MFGE8: variants seen among roughly 807,000 people sequenced by gnomAD.
The protein encoded by MFGE8 is lactadherin.
MFGE8 carries 34 observed loss-of-function variants against 42.6 expected under a neutral mutation model. The ratio of observed to expected loss-of-function variants is 0.80; its 90% confidence interval spans 0.61 to 1.06. MFGE8 has a LOEUF of 1.06. Ranked by LOEUF, MFGE8 falls within the 50% of genes least tolerant of loss-of-function variation. MFGE8 has a pLI of 0.00. For synonymous variants in MFGE8, 230 were observed against 214.8 expected (o/e 1.07, Z -0.62); for missense variants, 510 against 516.9 (o/e 0.99, Z 0.13).
At position 88,905,416 on chromosome 15, in the gene MFGE8, C is replaced by G. The variant is rs1898621915; in HGVS notation, c.685+341G>C. 14 of 504,074 alleles carry G rather than the reference C, an allele frequency of 2.8e-5. No homozygotes were observed. The highest frequency in any genetic ancestry group is 5.4e-5 in the Non-Finnish European group (14 of 259,884). 31.2% of individuals were successfully genotyped at this position (504,074 alleles called of 1,614,324 possible). ...GAAGCAAACAAAACAGACAGATTCT[C>G]TGCCCTCGTAAAGCTGACATCTGCC... On this transcript the variant is annotated intron_variant, in intron 5 of 7. Transcript: ENST00000268150. This position sits in a 1 kb window ranked among gnomAD's most constrained non-coding sequence, Gnocchi z 6.6.
chr15:88,908,537 T>C (rs767586351), intron 2 of MFGE8, among the ~76,000 whole-genome samples: 2 of 152,154 alleles, frequency 1.3e-5, no homozygotes, highest in Admixed American at 6.5e-5. Flanking sequence ...GAGGGCTTCC[T>C]CCGCTGTGTG....
Position 88,899,862 on chromosome 15 carries a change from G to C in MFGE8, c.871-51C>G. The C allele has an allele frequency of 6.2e-7, 1 of 1,607,612 alleles. No individual in the cohort carries two copies. Among genetic ancestry groups the C allele is most frequent in the Non-Finnish European group, 8.5e-7 (1 of 1,174,782 alleles). The stretch of plus-strand genomic sequence containing the variant: ...CTCTGCTTGGACCATCTCCAGTAAG[G>C]TGAAAAGAGGCAGACACACTGAGGC... On this transcript the variant is annotated intron_variant, in intron 6 of 7. Coordinates refer to ENST00000268150, the MANE Select transcript of MFGE8 (RefSeq NM_005928.4). This position sits in a 1 kb window ranked among gnomAD's most constrained non-coding sequence, Gnocchi z 6.8.
Position 88,903,776 on chromosome 15 carries a change from C to CTT in MFGE8, c.685+1980_685+1981insAA. ...AAGTGCTGGGATTACAGGCGTGAGC[C>CTT]ACCGCACCCGGCCTCAGTCTGCATT... is the stretch of plus-strand genomic sequence containing the variant. On this transcript the variant is annotated intron_variant, in intron 5 of 7. Coordinates refer to ENST00000268150, the MANE Select transcript of MFGE8 (RefSeq NM_005928.4). The surrounding 1 kb of genome is among the most constrained non-coding windows in gnomAD (Gnocchi z 4.9). The CTT allele has an allele frequency of 6.6e-6, 1 of 152,490 alleles. No individual in the cohort carries two copies. The highest frequency in any genetic ancestry group is 1.5e-5 in the Non-Finnish European group (1 of 68,158). The allele number at this position is 152,490 out of a possible 1,614,324, so 9.4% of individuals were successfully genotyped here.
In MFGE8 at chr15:88,901,618, C is replaced by T. The variant is rs778319396; in HGVS notation, c.803G>A (p.Arg268Gln). 5.0e-6 allele frequency: 8 copies of T among 1,613,930 alleles called. No homozygotes were observed. In the East Asian group the frequency reaches 6.7e-5, roughly 13 times the overall value. Residue 268 changes from arginine (R) to glutamine (Q), a missense_variant, in exon 6 of 8, where the codon CGG (arginine) becomes CAG (glutamine). Coordinates refer to ENST00000268150, the MANE Select transcript of MFGE8 (RefSeq NM_005928.4). ...GTTGAAGTTGCCCTGCTTGTCCAGC[C>T]GTGCATAGGAGGGGTTCCAGCTGAA... is the stretch of plus-strand genomic sequence containing the variant. ...HLFSWNPSYA[R>Q]LDKQGNFNAW...
chr15:88,908,084 G>A (rs963193720), intron 2 of MFGE8, among the ~76,000 whole-genome samples: 5 of 152,040 alleles, frequency 3.3e-5, no homozygotes, highest in Non-Finnish European at 5.9e-5. Context: ...GAACATGCCC[G>A]TGGCCAAGGC....
At position 88,899,104 on chromosome 15, in the gene MFGE8, C is replaced by CTTT. The variant is rs1898240077; in HGVS notation, c.*290_*291insAAA. The CTTT allele has an allele frequency of 2.0e-6, 1 of 500,124 alleles. No individual in the cohort carries two copies. The highest frequency in any genetic ancestry group is 1.9e-5 in the African/African-American group (1 of 51,692). The allele number at this position is 500,124 out of a possible 1,614,324, so 31.0% of individuals were successfully genotyped here. A position where few individuals can be genotyped will look rare whatever the true frequency, so the allele number is the denominator to read the frequency against. On this transcript the variant is annotated 3_prime_UTR_variant, in exon 8 of 8. Transcript: ENST00000268150. The surrounding 1 kb of genome is among the most constrained non-coding windows in gnomAD (Gnocchi z 6.8). ...TCCGGACAGGGGCAGGGAAACCACA[C>CTTT]GCCCTACTTTGCCCTTTCCTGTCCA...
intron 6 of MFGE8, 34 bp downstream of exon 6, chr15:88,901,517 A>ATAACAAAAAAGGGGGAC: frequency 9.3e-7 from 1 of 1,072,616 alleles, no homozygotes. Flanking sequence ...ATCCCACCCA[A>ATAACAAAAAAGGGGGAC]CCCCAGCCCC....
In MFGE8 at chr15:88,901,064, CAT is replaced by C. The variant is rs1567214153; in HGVS notation, c.870+485_870+486del. Among the ~76,000 whole-genome samples the C allele has an allele frequency of 2.1e-5, 3 of 140,352 alleles. 1 individual carries two copies. Among genetic ancestry groups the C allele is most frequent in the Non-Finnish European group, 4.8e-5 (3 of 62,602 alleles). 92.1% of individuals were successfully genotyped at this position (140,352 alleles called of 152,430 possible). Reference sequence around the variant, plus strand: ...ACACACATTCACACATACACATTCACATACACATTCACATACACATTCACACA... The same window carrying C: ...ACACACATTCACACATACACATTCACACACATTCACATACACATTCACACA... On this transcript the variant is annotated intron_variant, in intron 6 of 7. Transcript: ENST00000268150.
In MFGE8 at chr15:88,907,263, G is replaced by A. The variant is rs772153960; in HGVS notation, c.319C>T (p.Arg107Cys). The A allele has an allele frequency of 1.9e-5, 30 of 1,614,032 alleles. No homozygotes were observed. The highest frequency in any genetic ancestry group is 2.2e-5 in the East Asian group (1 of 44,886). ...GLQHWVPELARLNRAGMVNAW... is the reference protein window; with the variant it reads ...GLQHWVPELACLNRAGMVNAW... ...TTGACCATGCCTGCGCGGTTCAGGC[G>A]GGCCAGCTCCGGGACCCAATGCTGC... Residue 107 changes from arginine (R) to cysteine (C), a missense_variant, in exon 3 of 8, where the codon CGC (arginine) becomes TGC (cysteine). By Grantham distance (180) the Arg-to-Cys change is radical. Coordinates refer to ENST00000268150, the MANE Select transcript of MFGE8 (RefSeq NM_005928.4).
At chr15:88,913,143 T>C (rs1899047170) in intron 1 of MFGE8, 104 bp downstream of exon 1, 1 of 1,406,098 alleles carries the variant, frequency 7.1e-7, no homozygotes, top group Non-Finnish European at 9.2e-7. Context: ...CCCGGGGCTT[T>C]GTCTAAGTTT....
intron 6 of MFGE8, among the ~76,000 whole-genome samples, chr15:88,901,235 ACACACATTCACACG>A (rs1254138262): frequency 8.4e-6 from 1 of 118,834 alleles, no homozygotes; most frequent in Non-Finnish European, 2.1e-5. Context: ...ACACATTCAC[ACACACATTCACACG>A]CACGCATTCA....
intron 2 of MFGE8, among the ~76,000 whole-genome samples, chr15:88,908,746 C>T (rs927350184): frequency 6.6e-6 from 1 of 152,224 alleles, no homozygotes; most frequent in Non-Finnish European, 1.5e-5. Flanking sequence ...AAACCATACA[C>T]ACACCCTTCC....
Position 88,906,662 on chromosome 15 carries a change from T to A in MFGE8, c.504A>T (p.Glu168Asp). 6.2e-7 allele frequency: 1 copy of A among 1,614,034 alleles called. No individual in the cohort carries two copies. The highest frequency in any genetic ancestry group is 1.1e-5 in the South Asian group (1 of 91,066). Residue 168 changes from glutamate (E) to aspartate (D), a missense_variant, in exon 4 of 8, where the codon GAA (glutamate) becomes GAT (aspartate). Coordinates refer to ENST00000268150, the MANE Select transcript of MFGE8 (RefSeq NM_005928.4). The surrounding 1 kb of genome is among the most constrained non-coding windows in gnomAD (Gnocchi z 4.2). ...TATTAACATCATGGATGAAATCGAA[T>A]TCGTGTCCATTAAGGCTGTAGGCCA... ...FKVAYSLNGH[E>D]FDFIHDVNKK...
rs917434771 is a variant in MFGE8, at chr15:88,913,270, G to A, written c.50C>T (p.Ala17Val). 4.7e-6 allele frequency: 7 copies of A among 1,497,442 alleles called. No homozygotes were observed. The highest frequency in any genetic ancestry group is 5.3e-6 in the Non-Finnish European group (6 of 1,131,622). 92.8% of individuals were successfully genotyped at this position (1,497,442 alleles called of 1,614,324 possible). ...LAALCGALLC[A>V]PSLLVALDIC... ...ACCCAGGGCGACGAGGAGGCTGGGG[G>A]CGCAGAGCAGCGCGCCGCACAGCGC... The change falls in exon 1 of 8, where the codon GCC (alanine) becomes GTC (valine). Residue 17 changes from alanine (A) to valine (V), a missense_variant. Ala to Val is a moderately conservative substitution (Grantham distance 64). Transcript: ENST00000268150.
At chr15:88,909,771 C>A (rs1898868482) in intron 2 of MFGE8, 21 bp downstream of exon 2, 1 of 1,613,656 alleles carries the variant, frequency 6.2e-7, no homozygotes, top group Non-Finnish European at 8.5e-7. Flanking sequence ...AAACAGGCAA[C>A]AAGCACCCCC....
At chr15:88,907,421 C>G (rs376946118) in intron 2 of MFGE8, 45 bp from the exon 3 acceptor site, 1 of 1,586,694 alleles carries the variant, frequency 6.3e-7, no homozygotes, top group Admixed American at 1.7e-5. Context: ...CCAGCAGGTT[C>G]CCGGGCCCAG....
In MFGE8 at chr15:88,899,877, C is replaced by A; in HGVS notation, c.871-66G>T. On this transcript the variant is annotated intron_variant, in intron 6 of 7. Transcript: ENST00000268150. The surrounding 1 kb of genome is among the most constrained non-coding windows in gnomAD (Gnocchi z 6.8). ...CTCCAGTAAGGTGAAAAGAGGCAGA[C>A]ACACTGAGGCATGAATTCTAGTTTT... is the stretch of plus-strand genomic sequence containing the variant. 1 of 1,582,504 alleles carries A rather than the reference C, an allele frequency of 6.3e-7. No individual in the cohort carries two copies. The highest frequency in any genetic ancestry group is 8.7e-7 in the Non-Finnish European group (1 of 1,153,720).
At position 88,906,864 on chromosome 15, in the gene MFGE8, C is replaced by G. The variant is rs1056343263; in HGVS notation, c.388-86G>C. ...AAGCAGACCCATCCCTTCACTCCCC[C>G]ACTGGGTGGGGGAACAACTCAAGCA... On this transcript the variant is annotated intron_variant, in intron 3 of 7. Coordinates refer to ENST00000268150, the MANE Select transcript of MFGE8 (RefSeq NM_005928.4). The surrounding 1 kb of genome is among the most constrained non-coding windows in gnomAD (Gnocchi z 4.2). 1 of 1,539,868 alleles carries G rather than the reference C, an allele frequency of 6.5e-7. No homozygotes were observed. Among genetic ancestry groups the G allele is most frequent in the African/African-American group, 1.4e-5 (1 of 72,842 alleles).
rs528759940 is a variant in MFGE8 at position 88,899,923 on chromosome 15, G to A, written c.871-112C>T. ...GTTTTGAAAAAAACTACTTGGGTGA[G>A]CCTCAGTTTCTTTGGCTATAAAATG... On this transcript the variant is annotated intron_variant, in intron 6 of 7. Transcript: ENST00000268150. This position sits in a 1 kb window ranked among gnomAD's most constrained non-coding sequence, Gnocchi z 6.8. 1 of 1,288,610 alleles carries A rather than the reference G, an allele frequency of 7.8e-7. No individual in the cohort carries two copies. The highest frequency in any genetic ancestry group is 1.5e-5 in the African/African-American group (1 of 68,036). 79.8% of individuals were successfully genotyped at this position (1,288,610 alleles called of 1,614,324 possible).
Sources: gnomAD v4.1 joint callset for allele counts (sites outside exome capture counted in the v4.1 genomes callset) on GRCh38, gnomAD v4.1.1 for gene constraint, Gnocchi (gnomAD v3.1) non-coding constraint, MANE v1.5 for transcripts, NCBI Gene and HGNC (gene_info 2026-07-23, HGNC 2026-07-21) for gene names.